Variants in CACNA1E observed in about 807,000 individuals in gnomAD.
CACNA1E encodes voltage-dependent R-type calcium channel subunit alpha-1E.
Under a neutral mutation model 259.2 loss-of-function variants are expected in CACNA1E, and 40 were observed. The ratio of observed to expected loss-of-function variants is 0.15; its 90% CI spans 0.12 to 0.20. The LOEUF (loss-of-function observed/expected upper bound fraction) is 0.20, where lower values mean the gene tolerates loss of function less well. CACNA1E is among the 10% of genes least tolerant of loss of function. CACNA1E has a pLI of 1.00. For synonymous variants in CACNA1E, 1,104 were observed against 1,138.5 expected, an observed-to-expected ratio of 0.97 and a Z score of 0.61; for missense variants, 1,874 against 3,040.1, an observed-to-expected ratio of 0.62 and a Z score of 9.02.
At chr1:181,373,537 CTTTT>C (rs5779097) in intron 1 of CACNA1E, among the ~76,000 whole-genome samples, 1 of 120,926 alleles carries the variant, frequency 8.3e-6, no homozygotes, top group Admixed American at 8.8e-5. Flanking sequence ...TCTTTTCTTT[CTTTT>C]TTTTTTTTTT....
chr1:181,597,933 C>T (rs998197345), intron 6 of CACNA1E, among the ~76,000 whole-genome samples: 6 of 152,186 alleles, frequency 3.9e-5, no homozygotes, highest in African/African-American at 9.7e-5. Flanking sequence ...CTTCCTCCCA[C>T]GACACGTGGG....
rs1280278109 is a variant in CACNA1E at position 181,806,883 on chromosome 1, G to T, written c.*8049G>T. ...CTGCCAGGACCCTCAGGGTAAGCTGGCAGCAGGCTCTGCAGCTGCACTTAG... is the reference window on the plus strand; with the variant it reads ...CTGCCAGGACCCTCAGGGTAAGCTGTCAGCAGGCTCTGCAGCTGCACTTAG... On this transcript the variant is annotated 3_prime_UTR_variant, in exon 48 of 48. Coordinates refer to ENST00000367573, the MANE Select transcript of CACNA1E (RefSeq NM_001205293.3). 6.6e-6 allele frequency: 1 copy of T among 152,154 alleles called. No individual in the cohort carries two copies. The highest frequency in any genetic ancestry group is 1.5e-5 in the Non-Finnish European group (1 of 68,040). The allele number at this position is 152,154 out of a possible 1,614,324, so 9.4% of individuals were successfully genotyped here.
intron 8 of CACNA1E, among the ~76,000 whole-genome samples, chr1:181,711,807 G>A (rs1653394732): frequency 6.6e-6 from 1 of 152,146 alleles, no homozygotes; most frequent in Non-Finnish European, 1.5e-5. Context: ...AGGAACAGGA[G>A]ACAGAGTGAC....
chr1:181,382,800 A>G (rs192031738), intron 1 of CACNA1E, among the ~76,000 whole-genome samples: 1 of 152,148 alleles, frequency 6.6e-6, no homozygotes, highest in African/African-American at 2.4e-5. Flanking sequence ...AGCTCAGCCC[A>G]TTGCTCAGGT....
intron 6 of CACNA1E, among the ~76,000 whole-genome samples, chr1:181,615,202 A>G (rs923236415): frequency 2.0e-5 from 3 of 151,784 alleles, no homozygotes; most frequent in Non-Finnish European, 4.4e-5. Flanking sequence ...ATTTTATTCT[A>G]TTTTTTGAGA....
At chr1:181,438,824 AT>A (rs1478570909) in intron 2 of CACNA1E, among the ~76,000 whole-genome samples, 1 of 152,236 alleles carries the variant, frequency 6.6e-6, no homozygotes, top group Non-Finnish European at 1.5e-5. Context: ...TCTTGGGTAT[AT>A]ATGTCCTAGA....
intron 6 of CACNA1E, among the ~76,000 whole-genome samples, chr1:181,624,146 G>T (rs1450907687): frequency 6.6e-6 from 1 of 152,068 alleles, no homozygotes; most frequent in Non-Finnish European, 1.5e-5. Flanking sequence ...AGAACTAATA[G>T]AGCAAGAATG....
intron 1 of CACNA1E, among the ~76,000 whole-genome samples, chr1:181,406,088 T>G (rs1300207016): frequency 6.6e-6 from 1 of 152,192 alleles, no homozygotes; most frequent in African/African-American, 2.4e-5. Flanking sequence ...AGAAAAAAAT[T>G]TGCTTAACCC....
At position 181,798,161 on chromosome 1, in the gene CACNA1E, G is replaced by A. The variant is rs921879636; in HGVS notation, c.6400-131G>A. ...AATCCCTTTTTCCCTGAGTGGATGTGAATACTACAGGGAGCTCCAGCTCAG... is the reference window on the plus strand; with the variant it reads ...AATCCCTTTTTCCCTGAGTGGATGTAAATACTACAGGGAGCTCCAGCTCAG... On this transcript the variant is annotated intron_variant, in intron 47 of 47. Transcript: ENST00000367573. This position sits in a 1 kb window ranked among gnomAD's most constrained non-coding sequence, Gnocchi z 4.2. 7.7e-5 allele frequency: 55 copies of A among 710,232 alleles called. No homozygotes were observed. The highest frequency in any genetic ancestry group is 1.1e-4 in the Non-Finnish European group (48 of 417,658). 44.0% of individuals were successfully genotyped at this position (710,232 alleles called of 1,614,324 possible).
Position 181,337,884 on chromosome 1 carries a change from C to T in CACNA1E, c.-15+19761C>T, listed in dbSNP as rs10910923. On this transcript the variant is annotated intron_variant, in intron 1 of 11. Coordinates refer to the CACNA1E transcript ENST00000524607. ...CTTTTGGCTATATAACCAGCAGAAG[C>T]GTTGCTGGATCATATGGTAGTTCTA... Among the ~76,000 whole-genome samples the T allele has an allele frequency of 9.4e-3, 1,425 of 152,120 alleles. 29 individuals are homozygous for T. The highest frequency in any genetic ancestry group is 0.033 in the African/African-American group (1,362 of 41,484).
At chr1:181,434,448 T>A (rs1273142192) in intron 2 of CACNA1E, among the ~76,000 whole-genome samples, 2 of 151,798 alleles carry the variant, frequency 1.3e-5, no homozygotes, top group Non-Finnish European at 2.9e-5. Flanking sequence ...ACCAGACAAG[T>A]GTCTGATCTC....
At chr1:181,499,201 G>C (rs1665034381) in intron 1 of CACNA1E, among the ~76,000 whole-genome samples, 1 of 152,204 alleles carries the variant, frequency 6.6e-6, no homozygotes, top group Non-Finnish European at 1.5e-5. Flanking sequence ...ACTCATCTCA[G>C]AATGGTTGCT....
At chr1:181,582,335 A>C (rs1651623504) in intron 6 of CACNA1E, among the ~76,000 whole-genome samples, 2 of 152,146 alleles carry the variant, frequency 1.3e-5, no homozygotes, top group Non-Finnish European at 2.9e-5. Context: ...AAGGTTGATG[A>C]GTGCAGTCAC....
At chr1:181,570,646 C>T (rs1650317229) in intron 3 of CACNA1E, among the ~76,000 whole-genome samples, 1 of 152,218 alleles carries the variant, frequency 6.6e-6, no homozygotes, top group Non-Finnish European at 1.5e-5. Flanking sequence ...GAGCTACATT[C>T]TTGTGTTCTT....
At chr1:181,623,064 A>T (rs1020547572) in intron 6 of CACNA1E, among the ~76,000 whole-genome samples, 2 of 152,206 alleles carry the variant, frequency 1.3e-5, no homozygotes, top group Non-Finnish European at 2.9e-5. Context: ...CACAATGATT[A>T]TTAATCATCA....
intron 2 of CACNA1E, among the ~76,000 whole-genome samples, chr1:181,473,744 C>G (rs544793580): frequency 5.3e-5 from 8 of 152,282 alleles, no homozygotes; most frequent in African/African-American, 1.9e-4. Context: ...TTCTCTAGCT[C>G]AAATTTCTAT....
intron 2 of CACNA1E, among the ~76,000 whole-genome samples, chr1:181,469,780 G>T (rs1390354504): frequency 5.3e-5 from 8 of 152,146 alleles, no homozygotes; most frequent in African/African-American, 1.9e-4. Flanking sequence ...AAATGCTCCT[G>T]AGGGAGGCAG....
intron 6 of CACNA1E, among the ~76,000 whole-genome samples, chr1:181,615,607 T>G (rs1341310701): frequency 1.3e-5 from 2 of 152,272 alleles, no homozygotes; most frequent in East Asian, 1.9e-4. Flanking sequence ...CATATTCAGC[T>G]ATCTTGATAA....
intron 7 of CACNA1E, among the ~76,000 whole-genome samples, chr1:181,708,642 G>A (rs1229183943): frequency 6.6e-6 from 1 of 152,202 alleles, no homozygotes; most frequent in Non-Finnish European, 1.5e-5. Context: ...ATTTGGCTAG[G>A]CAAATATGTG....
Sources: allele counts gnomAD v4.1 joint callset (sites outside exome capture counted in the v4.1 genomes callset), GRCh38; gene constraint gnomAD v4.1.1; non-coding constraint Gnocchi (gnomAD v3.1); transcripts MANE v1.5; gene names NCBI Gene and HGNC (gene_info 2026-07-23, HGNC 2026-07-21).